GSTM2: variants seen among roughly 807,000 people sequenced by gnomAD.
GSTM2 encodes the protein GST class-mu 2.
GSTM2 carries 33 observed loss-of-function variants against 33.3 expected under a neutral mutation model. The ratio of observed to expected loss-of-function variants is 0.99; its 90% CI spans 0.75 to 1.33. The LOEUF (loss-of-function observed/expected upper bound fraction) is 1.33, where lower values mean the gene tolerates loss of function less well. Among genes scored for constraint, GSTM2 ranks in the 40% most tolerant of loss-of-function variants. GSTM2 has a pLI of 0.00. For synonymous variants in GSTM2, 93 were observed against 95.6 expected (o/e 0.97, Z 0.16); for missense variants, 213 against 265.8 (o/e 0.80, Z 1.38).
intron 7 of GSTM2, among the ~76,000 whole-genome samples, chr1:109,672,857 C>T (rs1273162649): frequency 2.7e-5 from 4 of 149,402 alleles, no homozygotes; most frequent in Admixed American, 2.1e-4. Flanking sequence ...GAGCACTTTC[C>T]TTCTCTACCT....
At chr1:109,671,933 T>A (rs1268928586) in intron 7 of GSTM2, among the ~76,000 whole-genome samples, 2 of 132,032 alleles carry the variant, frequency 1.5e-5, no homozygotes, top group African/African-American at 5.9e-5. Context: ...ATCGTGCCAC[T>A]GCATTCCAGC....
chr1:109,677,899 A>G (rs1048380539), downstream of GSTM2, among the ~76,000 whole-genome samples: 2 of 152,246 alleles, frequency 1.3e-5, no homozygotes. Flanking sequence ...CTCATAAGAT[A>G]TCAACATCAT....
downstream of GSTM2, among the ~76,000 whole-genome samples, chr1:109,676,346 AATT>A (rs1233677307): frequency 2.6e-5 from 4 of 152,040 alleles, no homozygotes; most frequent in East Asian, 1.9e-4. Flanking sequence ...GCTTTTTAAA[AATT>A]ATTATTATTG....
chr1:109,678,906 A>G (rs758904848), downstream of GSTM2, among the ~76,000 whole-genome samples: 1 of 150,484 alleles, frequency 6.6e-6, no homozygotes, highest in African/African-American at 2.5e-5. Flanking sequence ...GATTTTTCTA[A>G]CTTATTTATT....
Position 109,671,580 on chromosome 1 carries a change from T to A in GSTM2, c.564T>A (p.Phe188Leu). The change falls in exon 7 of 8, where the codon TTT becomes TTA. Residue 188 changes from phenylalanine to leucine, a missense_variant. Phe to Leu is a conservative substitution (Grantham distance 22). Transcript: ENST00000241337. ...FPNLKDFISR[F>L]EGLEKISAYM... ...ACCTGAAGGACTTCATCTCCCGATTTGAGGTGATGCCCCCAGCCTCCTTTC... is the reference window on the plus strand; with the variant it reads ...ACCTGAAGGACTTCATCTCCCGATTAGAGGTGATGCCCCCAGCCTCCTTTC... 1 of 1,528,778 alleles carries A rather than the reference T, an allele frequency of 6.5e-7. No individual in the cohort carries two copies. Among genetic ancestry groups the A allele is most frequent in the Non-Finnish European group, 9.1e-7 (1 of 1,101,952 alleles). The allele number at this position is 1,528,778 out of a possible 1,614,324, so 94.7% of individuals were successfully genotyped here. A position where few individuals can be genotyped will look rare whatever the true frequency, so the allele number is the denominator to read the frequency against.
At chr1:109,669,143 T>C (rs2101244419) in intron 3 of GSTM2, 147 bp from the exon 4 acceptor site, 1 of 1,266,066 alleles carries the variant, frequency 7.9e-7, no homozygotes, top group African/African-American at 1.5e-5. Flanking sequence ...ATGTTCTGTG[T>C]CCCAGCTCAT....
At chr1:109,672,273 TC>T (rs1240704156) in intron 7 of GSTM2, among the ~76,000 whole-genome samples, 1 of 151,312 alleles carries the variant, frequency 6.6e-6, no homozygotes, top group Non-Finnish European at 1.5e-5. Flanking sequence ...AGAGTGAAAC[TC>T]CATCTCAAAC....
chr1:109,674,252 A>G (rs1300855633), intron 7 of GSTM2, among the ~76,000 whole-genome samples: 1 of 152,050 alleles, frequency 6.6e-6, no homozygotes, highest in Admixed American at 6.5e-5. Flanking sequence ...TGTGCAGTCA[A>G]GGAGTGACAG....
At chr1:109,668,668 C>A in intron 2 of GSTM2, 168 bp downstream of exon 2, 2 of 875,198 alleles carry the variant, frequency 2.3e-6, no homozygotes, top group Non-Finnish European at 1.8e-6. Flanking sequence ...AATGCTGGGG[C>A]GGGATGCTGG....
At chr1:109,671,899 A>G (rs1473753994) in intron 7 of GSTM2, among the ~76,000 whole-genome samples, 3 of 138,308 alleles carry the variant, frequency 2.2e-5, no homozygotes, top group African/African-American at 8.2e-5. Flanking sequence ...TGAACCTGGG[A>G]GGTGGAAGTT....
chr1:109,668,903 C>A, intron 2 of GSTM2, 22 bp from the exon 3 acceptor site: 1 of 1,612,140 alleles, frequency 6.2e-7, no homozygotes, highest in Non-Finnish European at 8.5e-7. Context: ...GGTTTGTTTT[C>A]ACTTCATCTT....
At chr1:109,668,830 C>T (rs981918032) in intron 2 of GSTM2, 95 bp from the exon 3 acceptor site, 4 of 1,415,282 alleles carry the variant, frequency 2.8e-6, no homozygotes, top group East Asian at 2.3e-5. Flanking sequence ...ATCCACCTGT[C>T]TCAGGGGTCT....
At chr1:109,672,668 A>G (rs1419255161) in intron 7 of GSTM2, among the ~76,000 whole-genome samples, 2 of 152,238 alleles carry the variant, frequency 1.3e-5, no homozygotes, top group Admixed American at 1.3e-4. Context: ...ACTGACACAC[A>G]GTAGCATTGA....
chr1:109,668,967 A>C lies in GSTM2; in HGVS notation c.155A>C (p.Lys52Thr). The C allele has an allele frequency of 6.2e-7, 1 of 1,612,210 alleles. No homozygotes were observed. The highest frequency in any genetic ancestry group is 8.5e-7 in the Non-Finnish European group (1 of 1,179,818). Residue 52 changes from lysine (K) to threonine (T), a missense_variant, in exon 3 of 8, where the codon AAG (lysine) becomes ACG (threonine). Lys to Thr is a moderately conservative substitution (Grantham distance 78, BLOSUM62 -1). Transcript: ENST00000241337. The part of the protein sequence containing the change: ...DRSQWLNEKF[K>T]LGLDFPNLPY... The stretch of plus-strand genomic sequence containing the variant: ...AGCCAGTGGCTGAATGAAAAATTCA[A>C]GCTGGGCCTGGACTTTCCCAATGTA...
rs767202519 is a variant in GSTM2, at chr1:109,671,573, C to G, written c.557C>G (p.Ser186Cys). ...TTCCCAAACCTGAAGGACTTCATCTCCCGATTTGAGGTGATGCCCCCAGCC... is the reference window on the plus strand; with the variant it reads ...TTCCCAAACCTGAAGGACTTCATCTGCCGATTTGAGGTGATGCCCCCAGCC... ...DAFPNLKDFI[S>C]RFEGLEKISA... The change falls in exon 7 of 8, where the codon TCC (serine) becomes TGC (cysteine). Residue 186 changes from serine to cysteine, a missense_variant. Physicochemically the swap from Ser to Cys is moderately radical, Grantham distance 112. Transcript: ENST00000241337. The G allele has an allele frequency of 5.0e-6, 8 of 1,586,326 alleles. No individual in the cohort carries two copies. Among genetic ancestry groups the G allele is most frequent in the Non-Finnish European group, 6.9e-6 (8 of 1,154,736 alleles).
rs1433879834 is a variant in GSTM2, at chr1:109,669,370, G to A, written c.258G>A (p.Leu86=). Residue 86 remains leucine, a splice_region_variant and synonymous_variant, in exon 4 of 8, where the codon CTG becomes CTA. Coordinates refer to ENST00000241337, the MANE Select transcript of GSTM2 (RefSeq NM_000848.4). ...ILRYIARKHN[L]CGESEKEQIR... ...GGTACATTGCCCGCAAGCACAACCT[G>A]TGTGAGTAGATTTGGTTGCAAGATG... is the stretch of plus-strand genomic sequence containing the variant. The A allele has an allele frequency of 1.2e-6, 2 of 1,614,248 alleles. No individual in the cohort carries two copies. The highest frequency in any genetic ancestry group is 1.7e-5 in the Admixed American group (1 of 60,026).
downstream of GSTM2, among the ~76,000 whole-genome samples, chr1:109,677,908 A>G (rs1013966525): frequency 9.9e-5 from 15 of 152,250 alleles, no homozygotes; most frequent in Non-Finnish European, 2.1e-4. Flanking sequence ...TATCAACATC[A>G]TAAGGGCATG....
At chr1:109,680,301 CAA>C (rs1647833019) in intron 7 of GSTM2, among the ~76,000 whole-genome samples, 1 of 143,500 alleles carries the variant, frequency 7.0e-6, no homozygotes, top group Non-Finnish European at 1.5e-5. Context: ...AAAAAATACA[CAA>C]GTGGGTCACC....
At chr1:109,669,199 C>A in intron 3 of GSTM2, 91 bp from the exon 4 acceptor site, 1 of 1,451,770 alleles carries the variant, frequency 6.9e-7, no homozygotes, top group Non-Finnish European at 9.7e-7. Context: ...CATGAGCAGG[C>A]CCTGGTCTCC....
Sources: gnomAD v4.1 joint callset for allele counts (sites outside exome capture counted in the v4.1 genomes callset) on GRCh38, gnomAD v4.1.1 for gene constraint, MANE v1.5 for transcripts, NCBI Gene and HGNC (gene_info 2026-07-23, HGNC 2026-07-21) for gene names.